STRN3: variants seen among roughly 807,000 people sequenced by gnomAD.
The protein encoded by STRN3 is striatin 3.
In STRN3, 29 loss-of-function variants were observed where a neutral mutation model predicts 95.6. That is an observed-to-expected ratio of 0.30 (90% CI 0.23 to 0.41). STRN3 has a LOEUF of 0.41. STRN3 is among the 10% of genes least tolerant of loss of function. The probability of loss-of-function intolerance (pLI) is 1.00; values close to 1 mark genes in which losing one functional copy is unlikely to be tolerated. For missense variants in STRN3, 890 were observed against 972.1 expected (o/e 0.92, Z 1.12); for synonymous variants, 331 against 357.6 (o/e 0.93, Z 0.84).
Position 30,924,287 on chromosome 14 carries a change from CTT to C in STRN3, c.1099+4912_1099+4913del, listed in dbSNP as rs71112354. Among the ~76,000 whole-genome samples, 68 of 77,234 alleles carry C rather than the reference CTT, an allele frequency of 8.8e-4. 2 individuals carry two copies. Among genetic ancestry groups the C allele is most frequent in the South Asian group, 2.6e-3 (5 of 1,940 alleles). The allele number at this position is 77,234 out of a possible 152,430, so 50.7% of individuals were successfully genotyped here. Reference sequence around the variant, plus strand: ...AGGTACAATGGCTCATGCCTTAAATCTTTTTTTTTTTTTTTTTTTTGAGATGG... The same window carrying C: ...AGGTACAATGGCTCATGCCTTAAATCTTTTTTTTTTTTTTTTTTGAGATGG... On this transcript the variant is annotated intron_variant, in intron 8 of 17. Transcript: ENST00000357479.
chr14:30,911,935 C>A, intron 11 of STRN3, 72 bp downstream of exon 11: 1 of 1,567,664 alleles, frequency 6.4e-7, no homozygotes, highest in Non-Finnish European at 8.6e-7. Flanking sequence ...AGACATGCAA[C>A]AATAATGAGG....
chr14:31,024,750 A>G (rs1883706143), intron 1 of STRN3, among the ~76,000 whole-genome samples: 1 of 152,214 alleles, frequency 6.6e-6, no homozygotes, highest in Non-Finnish European at 1.5e-5. Flanking sequence ...CATATGACAT[A>G]TATGACAGCA....
At chr14:31,020,628 C>A (rs1883460420) in intron 1 of STRN3, among the ~76,000 whole-genome samples, 1 of 152,074 alleles carries the variant, frequency 6.6e-6, no homozygotes, top group Non-Finnish European at 1.5e-5. Flanking sequence ...ATTGGCCAGG[C>A]ATGATGGCTC....
At chr14:30,956,394 T>G in intron 1 of STRN3, 152 bp from the exon 2 acceptor site, 1 of 705,126 alleles carries the variant, frequency 1.4e-6, no homozygotes. Context: ...GGCTCACACC[T>G]GTAATCTCAG....
intron 1 of STRN3, among the ~76,000 whole-genome samples, chr14:30,990,326 C>T (rs559935027): frequency 6.6e-6 from 1 of 151,654 alleles, no homozygotes; most frequent in East Asian, 1.9e-4. Context: ...CCAGCACACC[C>T]GGCTAATTTT....
At chr14:30,953,772 G>C (rs1164358322) in intron 3 of STRN3, among the ~76,000 whole-genome samples, 3 of 152,142 alleles carry the variant, frequency 2.0e-5, no homozygotes, top group Non-Finnish European at 4.4e-5. Flanking sequence ...TGGGACTACA[G>C]GCATGCAACA....
At position 30,981,576 on chromosome 14, in the gene STRN3, TCACACACACACA is replaced by T. The variant is rs34644271; in HGVS notation, c.283-25346_283-25335del. The stretch of plus-strand genomic sequence containing the variant: ...TGAGAATCACAAGGTAGCTTAGAAT[TCACACACACACA>T]CACACACACACACACACACCCCATA... On this transcript the variant is annotated intron_variant, in intron 1 of 17. Coordinates refer to ENST00000357479, the MANE Select transcript of STRN3 (RefSeq NM_001083893.2). Among the ~76,000 whole-genome samples the T allele has an allele frequency of 6.2e-5, 9 of 145,410 alleles. 1 individual carries two copies. The South Asian group carries it at 6.7e-4, about 11-fold the overall frequency.
At chr14:30,928,812 C>T (rs1878323916) in intron 8 of STRN3, among the ~76,000 whole-genome samples, 1 of 152,148 alleles carries the variant, frequency 6.6e-6, no homozygotes, top group African/African-American at 2.4e-5. Flanking sequence ...GATTCCCAAA[C>T]TAAGAAATGT....
At chr14:31,007,347 G>A (rs1691943335) in intron 1 of STRN3, among the ~76,000 whole-genome samples, 1 of 152,176 alleles carries the variant, frequency 6.6e-6, no homozygotes, top group Admixed American at 6.5e-5. Context: ...ACAATGTGAT[G>A]TGCTTGGGAG....
Position 30,955,656 on chromosome 14 carries a change from T to A in STRN3, c.424A>T (p.Asn142Tyr), listed in dbSNP as rs769224459. ...YHKLKYGTELNQGDLKMPTFE... is the reference protein window; with the variant it reads ...YHKLKYGTELYQGDLKMPTFE... ...GTTGGCATTTTCAAGTCACCTTGGT[T>A]CAGTTCCGTGCCATATTTTAATTTG... Residue 142 changes from asparagine to tyrosine, a missense_variant, in exon 3 of 18, where the codon AAC becomes TAC. Physicochemically the swap from Asn to Tyr is moderately radical, Grantham distance 143. This residue lies in a region of STRN3 where 526 missense variants were observed against 526.3 expected (regional missense o/e 1.00). Transcript: ENST00000357479. 1.3e-6 allele frequency: 2 copies of A among 1,584,658 alleles called. No individual in the cohort carries two copies. Among genetic ancestry groups the A allele is most frequent in the East Asian group, 2.3e-5 (1 of 43,206 alleles).
At position 30,918,946 on chromosome 14, in the gene STRN3, A is replaced by C. The variant is rs1211450714; in HGVS notation, c.1240+20T>G. On this transcript the variant is annotated intron_variant, in intron 9 of 17. Coordinates refer to ENST00000357479, the MANE Select transcript of STRN3 (RefSeq NM_001083893.2). The stretch of plus-strand genomic sequence containing the variant: ...AAGGTCTTCTGAAATGTAAATAAAC[A>C]TGGTAGCTAAATTTTGTACCTTCCT... 8 of 1,543,262 alleles carry C rather than the reference A, an allele frequency of 5.2e-6. No individual in the cohort carries two copies. The highest frequency in any genetic ancestry group is 2.4e-5 in the East Asian group (1 of 42,208).
chr14:31,019,886 C>CTTTTTTTTTTTTTT (rs67956918), intron 1 of STRN3, among the ~76,000 whole-genome samples: 1 of 143,048 alleles, frequency 7.0e-6, no homozygotes. Flanking sequence ...CACTCATTTT[C>CTTTTTTTTTTTTTT]TTTTTTTTTT....
At chr14:30,984,464 A>G (rs1229312638) in intron 1 of STRN3, among the ~76,000 whole-genome samples, 1 of 151,930 alleles carries the variant, frequency 6.6e-6, no homozygotes, top group Non-Finnish European at 1.5e-5. Context: ...TTAAATATCT[A>G]GGGAAAAAAT....
intron 4 of STRN3, among the ~76,000 whole-genome samples, chr14:30,950,216 A>C (rs1879570715): frequency 6.6e-6 from 1 of 152,212 alleles, no homozygotes; most frequent in Non-Finnish European, 1.5e-5. Flanking sequence ...CGGAGGTGGA[A>C]TGCATGATGA....
intron 1 of STRN3, among the ~76,000 whole-genome samples, chr14:30,958,532 T>G (rs1880032549): frequency 6.6e-6 from 1 of 152,206 alleles, no homozygotes; most frequent in Non-Finnish European, 1.5e-5. Context: ...TGACTAGTGT[T>G]TTCTCCTGTG....
chr14:31,012,536 T>C (rs763302458), intron 1 of STRN3, among the ~76,000 whole-genome samples: 13 of 152,182 alleles, frequency 8.5e-5, no homozygotes, highest in Non-Finnish European at 1.5e-4. Flanking sequence ...TGTCCAGCAA[T>C]AGTGGATTAG....
rs1566474720 is a variant in STRN3 at position 30,984,136 on chromosome 14, A to AC, written c.283-27895_283-27894insG. On this transcript the variant is annotated intron_variant, in intron 1 of 17. Coordinates refer to ENST00000357479, the MANE Select transcript of STRN3 (RefSeq NM_001083893.2). Reference sequence around the variant, plus strand: ...CCATGGCATCTTCCCCGCCCCCCCCAACCCCCCCCCACACACAAAGGCCTA... The same window carrying AC: ...CCATGGCATCTTCCCCGCCCCCCCCACACCCCCCCCCACACACAAAGGCCTA... Among the ~76,000 whole-genome samples, 32 of 25,816 alleles carry AC rather than the reference A, an allele frequency of 1.2e-3. 1 individual carries two copies. The highest frequency in any genetic ancestry group is 3.0e-3 in the East Asian group (1 of 328). 16.9% of individuals were successfully genotyped at this position (25,816 alleles called of 152,430 possible).
intron 13 of STRN3, among the ~76,000 whole-genome samples, chr14:30,909,475 AAAAG>A (rs1188879733): frequency 6.6e-6 from 1 of 150,720 alleles, no homozygotes; most frequent in African/African-American, 2.4e-5. Flanking sequence ...CTGTTTCCAA[AAAAG>A]AAAGAGAGAG....
chr14:31,002,068 AG>A (rs1398546149), intron 1 of STRN3, among the ~76,000 whole-genome samples: 1 of 149,192 alleles, frequency 6.7e-6, no homozygotes, highest in Non-Finnish European at 1.5e-5. Flanking sequence ...CGGGAGGCTG[AG>A]GCAGGAGAAT....
Sources: allele counts gnomAD v4.1 joint callset (sites outside exome capture counted in the v4.1 genomes callset), GRCh38; gene constraint gnomAD v4.1.1; regional missense constraint gnomAD v4.1.1; transcripts MANE v1.5; gene names NCBI Gene and HGNC (gene_info 2026-07-23, HGNC 2026-07-21).